The following SLC36A1 variants were observed in gnomAD, a reference collection of about 807,000 sequenced individuals.
SLC36A1 encodes the protein proton-coupled amino acid transporter 1.
In SLC36A1, 30 loss-of-function variants were observed where a neutral mutation model predicts 47.5. The observed-to-expected ratio is 0.63, with a 90% CI of 0.47 to 0.86. The LOEUF is 0.86. Among genes scored for constraint, SLC36A1 ranks in the 40% least tolerant of loss-of-function variants. SLC36A1 has a pLI of 0.00. For synonymous variants in SLC36A1, 255 were observed against 249.7 expected (o/e 1.02, Z -0.20); for missense variants, 517 against 606.0 (o/e 0.85, Z 1.54).
the SLC36A1 span, among the ~76,000 whole-genome samples, chr5:151,539,637 AT>A: frequency 6.6e-6 from 1 of 152,228 alleles, no homozygotes; most frequent in African/African-American, 2.4e-5. Context: ...TAAAATTAAA[AT>A]GTTAGCAGTT....
chr5:151,516,949 A>G, the SLC36A1 span, among the ~76,000 whole-genome samples: 1 of 152,102 alleles, frequency 6.6e-6, no homozygotes, highest in Non-Finnish European at 1.5e-5. Context: ...CTACTTAAAA[A>G]ATACAAAAAA....
the SLC36A1 span, among the ~76,000 whole-genome samples, chr5:151,540,175 G>A: frequency 8.5e-5 from 13 of 152,224 alleles, no homozygotes; most frequent in African/African-American, 2.7e-4. Context: ...GGAATGTAGG[G>A]GGAGAGATGT....
the SLC36A1 span, among the ~76,000 whole-genome samples, chr5:151,551,148 C>G: frequency 6.6e-6 from 1 of 152,200 alleles, no homozygotes; most frequent in Non-Finnish European, 1.5e-5. Flanking sequence ...AGATAAAACA[C>G]TGGCTGAAGC....
the SLC36A1 span, among the ~76,000 whole-genome samples, chr5:151,406,048 G>A: frequency 6.6e-6 from 1 of 152,192 alleles, no homozygotes; most frequent in African/African-American, 2.4e-5. Context: ...CGGGGGATGA[G>A]AGGGTAAAAG....
At chr5:151,442,392 C>T (rs1278035914) in intron 1 of SLC36A1, among the ~76,000 whole-genome samples, 2 of 152,090 alleles carry the variant, frequency 1.3e-5, no homozygotes, top group Non-Finnish European at 2.9e-5. Context: ...TTTTAATTGA[C>T]ATAACTATAC....
chr5:151,455,393 T>C (rs894998886), intron 1 of SLC36A1, among the ~76,000 whole-genome samples: 2 of 152,222 alleles, frequency 1.3e-5, no homozygotes, highest in African/African-American at 4.8e-5. Flanking sequence ...ACATCTTCCA[T>C]ATCCCGCAGG....
At chr5:151,361,209 G>A in the SLC36A1 span, among the ~76,000 whole-genome samples, 1 of 152,126 alleles carries the variant, frequency 6.6e-6, no homozygotes, top group Admixed American at 6.6e-5. Context: ...TTTCCATAGA[G>A]TACTATGTGT....
Position 151,478,430 on chromosome 5 carries a change from G to A in SLC36A1, c.990-890G>A, listed in dbSNP as rs544240068. Among the ~76,000 whole-genome samples the A allele has an allele frequency of 8.5e-5, 13 of 152,260 alleles. No individual in the cohort carries two copies. The South Asian group carries it at 2.7e-3, about 32-fold the overall frequency. ...TCCTGTGGTGAGTTACGTCATTTTT[G>A]GAAGCTACACTTGAAGCAGTAGTAG... On this transcript the variant is annotated intron_variant, in intron 9 of 10. Transcript: ENST00000243389.
intron 1 of SLC36A1, among the ~76,000 whole-genome samples, chr5:151,440,509 C>T (rs1243822760): frequency 6.6e-6 from 1 of 150,680 alleles, no homozygotes; most frequent in Non-Finnish European, 1.5e-5. Flanking sequence ...GGAAAGGGGA[C>T]ACTGGGTAGG....
the SLC36A1 span, among the ~76,000 whole-genome samples, chr5:151,391,408 G>A: frequency 6.6e-6 from 1 of 152,090 alleles, no homozygotes; most frequent in Non-Finnish European, 1.5e-5. Flanking sequence ...TCTCCTGCCT[G>A]ATTGCCCTGG....
rs374156243 is a variant in SLC36A1 at position 151,481,565 on chromosome 5, T to C, written c.1159+2076T>C. On this transcript the variant is annotated intron_variant, in intron 10 of 10. Coordinates refer to ENST00000243389, the MANE Select transcript of SLC36A1 (RefSeq NM_078483.4). Reference sequence around the variant, plus strand: ...CTTCTTTTATTACTATTTCTGGTGTTTTCCTATCTTTTCCCCAACTTTTCC... The same window carrying C: ...CTTCTTTTATTACTATTTCTGGTGTCTTCCTATCTTTTCCCCAACTTTTCC... 5.3e-5 allele frequency among the ~76,000 whole-genome samples: 8 copies of C among 152,306 alleles called. No individual in the cohort carries two copies. In the East Asian group the frequency reaches 1.5e-3, roughly 29 times the overall value.
At chr5:151,426,089 A>G in the SLC36A1 span, among the ~76,000 whole-genome samples, 1 of 152,292 alleles carries the variant, frequency 6.6e-6, no homozygotes, top group African/African-American at 2.4e-5. Flanking sequence ...TGTTGTGCAT[A>G]TCAGTGCACA....
intron 1 of SLC36A1, among the ~76,000 whole-genome samples, chr5:151,454,184 TTGTGTTC>T (rs1445021102): frequency 3.3e-5 from 5 of 151,230 alleles, no homozygotes; most frequent in Non-Finnish European, 5.9e-5. Flanking sequence ...GATTTGGACT[TTGTGTTC>T]TGTTTATTGT....
At position 151,476,602 on chromosome 5, in the gene SLC36A1, G is replaced by A; in HGVS notation, c.835G>A (p.Glu279Lys). ...FEGIGMVLPL[E>K]NKMKDPRKFP... ...TACTCTCTCATAGGTTCTGCCCCTG[G>A]AAAACAAAATGAAGGATCCTCGGAA... Residue 279 changes from glutamate to lysine, a missense_variant, in exon 9 of 11, where the codon GAA (glutamate) becomes AAA (lysine). Transcript: ENST00000243389. 2 of 1,589,200 alleles carry A rather than the reference G, an allele frequency of 1.3e-6. No individual in the cohort carries two copies. The highest frequency in any genetic ancestry group is 2.3e-5 in the South Asian group (2 of 87,058).
chr5:151,460,764 G>A (rs1427883560), intron 2 of SLC36A1, among the ~76,000 whole-genome samples: 5 of 150,862 alleles, frequency 3.3e-5, no homozygotes, highest in Non-Finnish European at 7.4e-5. Context: ...TAATATGTCG[G>A]AAGTGTTAGA....
the SLC36A1 span, among the ~76,000 whole-genome samples, chr5:151,413,978 C>T: frequency 9.4e-4 from 143 of 152,174 alleles, 1 homozygote; most frequent in Non-Finnish European, 1.4e-3. Flanking sequence ...ACTTGAAATT[C>T]TTCAAGCACT....
chr5:151,390,907 T>C, the SLC36A1 span, among the ~76,000 whole-genome samples: 1 of 152,246 alleles, frequency 6.6e-6, no homozygotes, highest in African/African-American at 2.4e-5. Flanking sequence ...TTTGTTCCCA[T>C]ATGAACTTTA....
At chr5:151,480,085 T>TA (rs1758608250) in intron 10 of SLC36A1, 1 of 1,501,656 alleles carries the variant, frequency 6.7e-7, no homozygotes, top group Non-Finnish European at 8.8e-7. Flanking sequence ...AGGATACCCT[T>TA]CTGTTTGCTG....
chr5:151,542,160 A>T, the SLC36A1 span: 1 of 835,134 alleles, frequency 1.2e-6, no homozygotes. Context: ...CTAGGGGGTT[A>T]AGTGTGCCCA....
Sources: gnomAD v4.1 joint callset for allele counts (sites outside exome capture counted in the v4.1 genomes callset) on GRCh38, gnomAD v4.1.1 for gene constraint, MANE v1.5 for transcripts, NCBI Gene and HGNC (gene_info 2026-07-23, HGNC 2026-07-21) for gene names.